Variants in AP1G1 observed in about 807,000 individuals in gnomAD.
AP1G1 encodes the protein AP-1 complex subunit gamma-1.
Under a neutral mutation model 108.3 loss-of-function variants are expected in AP1G1, and 7 were observed. That is an observed-to-expected ratio of 0.06 (90% CI 0.04 to 0.12). The LOEUF (loss-of-function observed/expected upper bound fraction) is 0.12, where lower values mean the gene tolerates loss of function less well. AP1G1 is among the 10% of genes least tolerant of loss of function. AP1G1 has a pLI of 1.00. For missense variants in AP1G1, 756 were observed against 1,010.7 expected, an observed-to-expected ratio of 0.75 and a Z score of 3.42; for synonymous variants, 379 against 353.5, an observed-to-expected ratio of 1.07 and a Z score of -0.81.
At position 71,773,358 on chromosome 16, in the gene AP1G1, G is replaced by A; in HGVS notation, c.331C>T (p.Leu111Phe). The A allele has an allele frequency of 6.6e-7, 1 of 1,516,652 alleles. No individual in the cohort carries two copies. Among genetic ancestry groups the A allele is most frequent in the Non-Finnish European group, 8.8e-7 (1 of 1,139,268 alleles). 93.9% of individuals were successfully genotyped at this position (1,516,652 alleles called of 1,614,324 possible). Residue 111 changes from leucine to phenylalanine, a missense_variant, in exon 4 of 23, where the codon CTT becomes TTT. Around this residue, in one of 3 missense-constraint regions of AP1G1, gnomAD observed 304 missense variants for 483.6 expected, o/e 0.63. Transcript: ENST00000299980. Reference sequence around the variant, plus strand: ...TGTACGAATTGCGTGCTATGATTAAGATCACTGCAAAAGAAAAGAGGAAGG... The same window carrying A: ...TGTACGAATTGCGTGCTATGATTAAAATCACTGCAAAAGAAAAGAGGAAGG... ...LLMTNCIKND[L>F]NHSTQFVQGL...
At chr16:71,807,918 G>T in intron 1 of AP1G1, 1 of 1,279,582 alleles carries the variant, frequency 7.8e-7, no homozygotes, top group Non-Finnish European at 1.0e-6. Flanking sequence ...ATTCAGCACA[G>T]GGAGGGAATC....
At chr16:71,777,874 G>C in intron 2 of AP1G1, 1 of 293,696 alleles carries the variant, frequency 3.4e-6, no homozygotes, top group East Asian at 1.0e-4. Context: ...AGGGTCCCAG[G>C]GCCAAGACAG....
intron 1 of AP1G1, among the ~76,000 whole-genome samples, chr16:71,801,333 TAAAAA>T (rs11307473): frequency 6.9e-6 from 1 of 145,408 alleles, no homozygotes; most frequent in Admixed American, 6.8e-5. Context: ...CATGACATGT[TAAAAA>T]AAAAAAAAAG....
At chr16:71,744,186 G>C (rs1381456695) in intron 19 of AP1G1, among the ~76,000 whole-genome samples, 1 of 152,130 alleles carries the variant, frequency 6.6e-6, no homozygotes, top group South Asian at 2.1e-4. Context: ...GGAGGTTGCA[G>C]TGAGTCGAGA....
At chr16:71,745,813 T>C (rs1449131214) in intron 17 of AP1G1, among the ~76,000 whole-genome samples, 199 bp from the exon 18 acceptor site, 1 of 149,606 alleles carries the variant, frequency 6.7e-6, no homozygotes, top group Non-Finnish European at 1.5e-5. Flanking sequence ...AAAAAAATCT[T>C]GAATAAACAG....
chr16:71,785,575 CA>C (rs71389702), intron 2 of AP1G1, among the ~76,000 whole-genome samples: 32,322 of 73,878 alleles, frequency 0.44, 4,396 homozygotes, highest in South Asian at 0.55. Context: ...AACCCTGCCT[CA>C]AAAAAAAAAA....
At chr16:71,736,098 C>CAAAAAAAAAAAAAAAAAA (rs1213680207) in intron 21 of AP1G1, among the ~76,000 whole-genome samples, 3 of 25,426 alleles carry the variant, frequency 1.2e-4, no homozygotes, top group African/African-American at 3.8e-4. Flanking sequence ...GACTCCATCT[C>CAAAAAAAAAAAAAAAAAA]AAAAAAAAAA....
At chr16:71,798,360 A>G (rs182335319) in intron 1 of AP1G1, among the ~76,000 whole-genome samples, 1 of 152,170 alleles carries the variant, frequency 6.6e-6, no homozygotes, top group African/African-American at 2.4e-5. Flanking sequence ...CACCACGCTC[A>G]GCTAATTTTT....
At chr16:71,773,393 G>A (rs770093246) in intron 3 of AP1G1, 31 bp from the exon 4 acceptor site, 26 of 1,472,096 alleles carry the variant, frequency 1.8e-5, no homozygotes, top group Non-Finnish European at 2.2e-5. Flanking sequence ...GTAGGAACAA[G>A]CCTGGTGCTC....
intron 4 of AP1G1, among the ~76,000 whole-genome samples, chr16:71,772,067 C>CA (rs1567654076): frequency 6.6e-6 from 1 of 151,336 alleles, no homozygotes; most frequent in Non-Finnish European, 1.5e-5. Flanking sequence ...GATATATTAA[C>CA]AAAAAAAATT....
chr16:71,780,719 G>C (rs1440881456), intron 2 of AP1G1, among the ~76,000 whole-genome samples: 1 of 151,920 alleles, frequency 6.6e-6, no homozygotes, highest in Non-Finnish European at 1.5e-5. Context: ...TTAGTTCACA[G>C]TTAGTAACCT....
At chr16:71,781,084 C>T (rs1395923849) in intron 2 of AP1G1, among the ~76,000 whole-genome samples, 1 of 152,130 alleles carries the variant, frequency 6.6e-6, no homozygotes, top group African/African-American at 2.4e-5. Flanking sequence ...TCCCAAAGTG[C>T]TGGGATTATA....
At chr16:71,773,737 G>T (rs1194545223) in intron 3 of AP1G1, among the ~76,000 whole-genome samples, 4 of 152,104 alleles carry the variant, frequency 2.6e-5, no homozygotes, top group Non-Finnish European at 5.9e-5. Context: ...GAAGTCAAGA[G>T]TTCGAGACCA....
chr16:71,740,618 C>T (rs555707309), intron 19 of AP1G1, among the ~76,000 whole-genome samples: 149 of 152,266 alleles, frequency 9.8e-4, no homozygotes, highest in Non-Finnish European at 1.8e-3. Context: ...TTATTCATAA[C>T]TCATTCTCAC....
chr16:71,798,282 A>G (rs1048427065), intron 1 of AP1G1, among the ~76,000 whole-genome samples: 24 of 152,030 alleles, frequency 1.6e-4, no homozygotes, highest in Non-Finnish European at 3.4e-4. Flanking sequence ...GTGTCTCTAC[A>G]CTGCCTCCCA....
Position 71,748,380 on chromosome 16 carries a change from T to TGAG in AP1G1, c.1498-5_1498-3dup, listed in dbSNP as rs750961688. The TGAG allele has an allele frequency of 1.9e-6, 3 of 1,608,616 alleles. No homozygotes were observed. Among genetic ancestry groups the TGAG allele is most frequent in the South Asian group, 1.1e-5 (1 of 90,308 alleles). ...ATCCAACACTTCATCCTCTGTTACC[T>TGAG]GAGGAGGAGGAGGAAAAAGAAGACG... On this transcript the variant is annotated splice_region_variant and splice_polypyrimidine_tract_variant and intron_variant, in intron 15 of 22. Coordinates refer to ENST00000299980, the MANE Select transcript of AP1G1 (RefSeq NM_001128.6).
intron 12 of AP1G1, among the ~76,000 whole-genome samples, chr16:71,755,155 G>GT (rs1235415766): frequency 6.6e-6 from 1 of 152,206 alleles, no homozygotes; most frequent in Admixed American, 6.5e-5. Flanking sequence ...GCCAGGTGTG[G>GT]TGGCTGATGC....
At chr16:71,738,776 A>G (rs2145415484) in intron 21 of AP1G1, among the ~76,000 whole-genome samples, 166 bp downstream of exon 21, 1 of 152,328 alleles carries the variant, frequency 6.6e-6, no homozygotes, top group South Asian at 2.1e-4. Context: ...ATTATTCACT[A>G]AAAATGATAT....
At chr16:71,803,233 A>G (rs1447134232) in intron 1 of AP1G1, among the ~76,000 whole-genome samples, 1 of 152,118 alleles carries the variant, frequency 6.6e-6, no homozygotes, top group African/African-American at 2.4e-5. Flanking sequence ...AAATAAATAA[A>G]TAATAAGATG....
Sources: allele counts gnomAD v4.1 joint callset (sites outside exome capture counted in the v4.1 genomes callset), GRCh38; gene constraint gnomAD v4.1.1; regional missense constraint gnomAD v4.1.1; transcripts MANE v1.5; gene names NCBI Gene and HGNC (gene_info 2026-07-23, HGNC 2026-07-21).